The following DIAPH2 variants were observed in gnomAD, a reference collection of about 807,000 sequenced individuals.
DIAPH2 encodes the protein protein diaphanous homolog 2.
In DIAPH2, 35 loss-of-function variants were observed where a neutral mutation model predicts 92.7. The observed-to-expected ratio is 0.38, with a 90% CI of 0.29 to 0.50. The LOEUF (loss-of-function observed/expected upper bound fraction) is 0.50. Ranked by LOEUF, DIAPH2 falls within the 20% of genes least tolerant of loss-of-function variation. DIAPH2 has a pLI of 0.94. For missense variants in DIAPH2, 701 were observed against 819.5 expected (o/e 0.86, Z 1.77); for synonymous variants, 301 against 280.4 (o/e 1.07, Z -0.73).
At chrX:97,163,320 G>C (rs1323186111) in intron 22 of DIAPH2, among the ~76,000 whole-genome samples, 1 of 110,826 alleles carries the variant, frequency 9.0e-6, no homozygotes, top group Non-Finnish European at 1.9e-5. Context: ...CCTCGCCATA[G>C]TGGGGGCTAC....
chrX:97,021,920 T>C (rs1190450048), intron 17 of DIAPH2, among the ~76,000 whole-genome samples: 1 of 112,050 alleles, frequency 8.9e-6, no homozygotes, highest in Non-Finnish European at 1.9e-5. Context: ...AGGAATCTTA[T>C]AGTATAATAG....
chrX:97,501,402 G>C (rs2070797255), intron 26 of DIAPH2, among the ~76,000 whole-genome samples: 1 of 111,893 alleles, frequency 8.9e-6, no homozygotes, highest in African/African-American at 3.2e-5. Context: ...AGAATAGGCA[G>C]AACCCCTGTG....
At chrX:96,900,161 C>G (rs142827171) in intron 5 of DIAPH2, among the ~76,000 whole-genome samples, 4 of 111,726 alleles carry the variant, frequency 3.6e-5, no homozygotes, top group Non-Finnish European at 7.5e-5. Context: ...AGCAGTGTTT[C>G]GTAGTTTTCC....
At chrX:97,011,840 C>A (rs892522649) in intron 17 of DIAPH2, among the ~76,000 whole-genome samples, 2 of 89,795 alleles carry the variant, frequency 2.2e-5, no homozygotes, top group Non-Finnish European at 4.1e-5. Context: ...TGCAGTGAGC[C>A]GAGATCGCAT....
chrX:96,818,960 C>T lies in DIAPH2; in HGVS notation c.447+60702C>T, dbSNP rs749147207. Among the ~76,000 whole-genome samples, 101 of 112,641 alleles carry T rather than the reference C, an allele frequency of 9.0e-4. 1 individual carries two copies. The highest frequency in any genetic ancestry group is 2.9e-3 in the African/African-American group (91 of 31,052). On this transcript the variant is annotated intron_variant, in intron 4 of 26. Transcript: ENST00000324765. The stretch of plus-strand genomic sequence containing the variant: ...CAGATCATCAGGCATTAGTTAGATT[C>T]TCATAAGGAGTGCACAACCTAGATA...
chrX:97,592,399 T>G (rs2071523561), intron 26 of DIAPH2, among the ~76,000 whole-genome samples: 1 of 112,029 alleles, frequency 8.9e-6, no homozygotes, highest in African/African-American at 3.2e-5. Context: ...ACTGCAGTTT[T>G]GTAAAATCTA....
At chrX:97,406,784 G>C (rs1476465395) in intron 25 of DIAPH2, among the ~76,000 whole-genome samples, 4 of 111,513 alleles carry the variant, frequency 3.6e-5, no homozygotes, top group African/African-American at 1.3e-4. Flanking sequence ...ATCAGATATA[G>C]TATGCAAAGA....
chrX:97,073,060 C>T lies in DIAPH2; in HGVS notation c.2152+18C>T, dbSNP rs770130815. ...GAATCTGTGTATGTAATATTTTCTT[C>T]GTAGGATTGGTATAGGTAACGGTGA... On this transcript the variant is annotated intron_variant, in intron 18 of 26. Transcript: ENST00000324765. 1.7e-4 allele frequency: 180 copies of T among 1,082,631 alleles called. 1 individual carries two copies. The highest frequency in any genetic ancestry group is 7.4e-4 in the Admixed American group (31 of 41,767). The allele number at this position is 1,082,631 out of a possible 1,213,427, so 89.2% of individuals were successfully genotyped here. A position where few individuals can be genotyped will look rare whatever the true frequency, so the allele number is the denominator to read the frequency against.
At chrX:96,983,295 T>G (rs1293165907) in intron 17 of DIAPH2, among the ~76,000 whole-genome samples, 4 of 111,434 alleles carry the variant, frequency 3.6e-5, no homozygotes, top group Non-Finnish European at 7.5e-5. Flanking sequence ...GGGATAGAGT[T>G]TGTGGCCATG....
At chrX:96,895,924 A>C (rs2065341914) in intron 5 of DIAPH2, among the ~76,000 whole-genome samples, 1 of 112,098 alleles carries the variant, frequency 8.9e-6, no homozygotes, top group African/African-American at 3.2e-5. Context: ...GTTATTCCCA[A>C]ATGAAAGGCG....
At chrX:97,290,267 C>G (rs764823880) in intron 23 of DIAPH2, among the ~76,000 whole-genome samples, 78 of 110,673 alleles carry the variant, frequency 7.0e-4, no homozygotes, top group African/African-American at 2.2e-3. Context: ...AGAAACAGAG[C>G]AAGGAGACTA....
chrX:97,500,260 C>T lies in DIAPH2; in HGVS notation c.3241+70515C>T, dbSNP rs2070786043. On this transcript the variant is annotated intron_variant, in intron 26 of 26. Transcript: ENST00000324765. ...GCAGGTTGGTCTCTTGGGGCCCTTT[C>T]ACCTTCTGAGCTCTGAAAGCCTAAG... Among the ~76,000 whole-genome samples, 4 of 111,492 alleles carry T rather than the reference C, an allele frequency of 3.6e-5. No individual in the cohort carries two copies. The Admixed American group carries it at 3.8e-4, about 11-fold the overall frequency.
At chrX:97,001,108 T>C (rs1201632125) in intron 17 of DIAPH2, among the ~76,000 whole-genome samples, 1 of 111,833 alleles carries the variant, frequency 8.9e-6, no homozygotes, top group Non-Finnish European at 1.9e-5. Context: ...CTAAATGCCC[T>C]TGAGTTACTT....
chrX:97,158,727 G>A (rs1156417624), intron 22 of DIAPH2, among the ~76,000 whole-genome samples: 1 of 112,255 alleles, frequency 8.9e-6, no homozygotes, highest in East Asian at 2.8e-4. Flanking sequence ...CTAATGCAGA[G>A]TCACTTTAAA....
chrX:97,095,241 C>T (rs1328067916), intron 19 of DIAPH2, among the ~76,000 whole-genome samples: 3 of 101,169 alleles, frequency 3.0e-5, no homozygotes, highest in Admixed American at 2.2e-4. Context: ...CTCAGCCTCC[C>T]GATTAGCTGG....
At chrX:97,476,798 G>T (rs191943339) in intron 26 of DIAPH2, among the ~76,000 whole-genome samples, 2,873 of 103,899 alleles carry the variant, frequency 0.028, 100 homozygotes, top group African/African-American at 0.097. Flanking sequence ...TACAAAATTA[G>T]CCAGGTGTGG....
At chrX:97,586,024 A>C (rs1440788064) in intron 26 of DIAPH2, among the ~76,000 whole-genome samples, 9 of 111,389 alleles carry the variant, frequency 8.1e-5, no homozygotes, top group Non-Finnish European at 1.7e-4. Flanking sequence ...CTTAAATGTC[A>C]CTGTTTCCCA....
chrX:96,958,286 T>G, intron 16 of DIAPH2, 138 bp downstream of exon 16: 1 of 719,560 alleles, frequency 1.4e-6, no homozygotes, highest in Non-Finnish European at 1.9e-6. Context: ...ATGTCCATCT[T>G]TCAATTTAGG....
intron 24 of DIAPH2, among the ~76,000 whole-genome samples, chrX:97,356,074 A>G (rs1009025576): frequency 5.4e-5 from 6 of 111,609 alleles, no homozygotes; most frequent in African/African-American, 2.0e-4. Context: ...TTTGTCATCA[A>G]TCTTGAAGTA....
Sources: allele counts gnomAD v4.1 joint callset (sites outside exome capture counted in the v4.1 genomes callset), GRCh38; gene constraint gnomAD v4.1.1; transcripts MANE v1.5; gene names NCBI Gene and HGNC (gene_info 2026-07-23, HGNC 2026-07-21).